The following DOCK4 variants were observed in gnomAD, a reference collection of about 807,000 sequenced individuals.
DOCK4 encodes dedicator of cytokinesis 4.
DOCK4 carries 97 observed loss-of-function variants against 268.1 expected under a neutral mutation model. The ratio of observed to expected loss-of-function variants is 0.36; its 90% CI spans 0.31 to 0.43. The LOEUF is 0.43. Among genes scored for constraint, DOCK4 ranks in the 20% least tolerant of loss-of-function variants. The pLI is 1.00. For missense variants in DOCK4, 2,145 were observed against 2,455.7 expected (o/e 0.87, Z 2.67); for synonymous variants, 954 against 887.2 (o/e 1.08, Z -1.34).
chr7:111,988,862 A>G (rs560183564), intron 6 of DOCK4, among the ~76,000 whole-genome samples, 153 bp downstream of exon 6: 1 of 152,302 alleles, frequency 6.6e-6, no homozygotes, highest in African/African-American at 2.4e-5. Context: ...TCTCGGCTCT[A>G]TCAATGCCAG....
chr7:111,899,292 A>T (rs1790930573), intron 15 of DOCK4, among the ~76,000 whole-genome samples: 2 of 152,196 alleles, frequency 1.3e-5, no homozygotes, highest in South Asian at 4.1e-4. Flanking sequence ...ATCTTTTGGC[A>T]AAGCCCCTAT....
Position 111,845,212 on chromosome 7 carries a change from G to C in DOCK4, c.2602-315C>G, listed in dbSNP as rs1452407956. 2.0e-5 allele frequency among the ~76,000 whole-genome samples: 3 copies of C among 152,206 alleles called. No homozygotes were observed. The South Asian group carries it at 6.2e-4, about 31-fold the overall frequency. ...CTCAGGCAAGTCAGTCTGCCTCTCTGAGCCTGAATCTTCACTGAGAGTCCA... is the reference window on the plus strand; with the variant it reads ...CTCAGGCAAGTCAGTCTGCCTCTCTCAGCCTGAATCTTCACTGAGAGTCCA... On this transcript the variant is annotated intron_variant, in intron 24 of 52. Coordinates refer to ENST00000428084, the MANE Select transcript of DOCK4 (RefSeq NM_001363540.2).
chr7:111,750,399 A>G (rs889093289), intron 42 of DOCK4, among the ~76,000 whole-genome samples: 1 of 152,242 alleles, frequency 6.6e-6, no homozygotes, highest in Non-Finnish European at 1.5e-5. Flanking sequence ...TTAAGTAAAT[A>G]AATAAACCAG....
chr7:112,172,239 T>C (rs118178744), intron 1 of DOCK4, among the ~76,000 whole-genome samples: 15,331 of 152,218 alleles, frequency 0.1, 953 homozygotes, highest in South Asian at 0.14. Context: ...TTTGGGGAAA[T>C]ATCCTCTACC....
intron 33 of DOCK4, 57 bp from the exon 34 acceptor site, chr7:111,784,009 C>A (rs1025792555): frequency 1.9e-6 from 3 of 1,569,580 alleles, no homozygotes; most frequent in Non-Finnish European, 2.6e-6. Context: ...GTCACCATGA[C>A]AACCACTTTA....
At chr7:112,066,602 A>G (rs1181492476) in intron 1 of DOCK4, among the ~76,000 whole-genome samples, 1 of 123,634 alleles carries the variant, frequency 8.1e-6, no homozygotes, top group African/African-American at 4.3e-5. Context: ...ATATACATAT[A>G]TACACGTGTA....
chr7:111,852,537 C>T (rs1225780694), intron 23 of DOCK4, among the ~76,000 whole-genome samples: 2 of 149,222 alleles, frequency 1.3e-5, no homozygotes. Context: ...AATTTAAGTG[C>T]CAGTAGTCAT....
intron 1 of DOCK4, among the ~76,000 whole-genome samples, chr7:112,143,138 CA>C (rs1194012948): frequency 2.0e-5 from 3 of 151,264 alleles, no homozygotes; most frequent in Non-Finnish European, 2.9e-5. Context: ...AAAATTAGTT[CA>C]AAACCAAAAG....
At chr7:111,867,042 T>C (rs1586214907) in intron 22 of DOCK4, among the ~76,000 whole-genome samples, 1 of 152,308 alleles carries the variant, frequency 6.6e-6, no homozygotes. Context: ...TAAAAGAGCC[T>C]GAGTTATATC....
At chr7:111,745,352 T>C (rs1796189187) in intron 44 of DOCK4, among the ~76,000 whole-genome samples, 1 of 152,160 alleles carries the variant, frequency 6.6e-6, no homozygotes, top group African/African-American at 2.4e-5. Flanking sequence ...ATATTTGGAG[T>C]TGGCCTGAAC....
chr7:112,148,669 G>GT (rs1362391806), intron 1 of DOCK4, among the ~76,000 whole-genome samples: 4 of 147,342 alleles, frequency 2.7e-5, no homozygotes, highest in African/African-American at 9.8e-5. Flanking sequence ...AAAATAAAGG[G>GT]TTTTGTTTTG....
chr7:112,092,296 A>T (rs1241983746), intron 1 of DOCK4, among the ~76,000 whole-genome samples: 1 of 152,194 alleles, frequency 6.6e-6, no homozygotes, highest in Non-Finnish European at 1.5e-5. Context: ...ATAAACACTT[A>T]TCAAGTTCCT....
At chr7:111,888,478 T>TA (rs1208874200) in intron 16 of DOCK4, among the ~76,000 whole-genome samples, 12 of 152,064 alleles carry the variant, frequency 7.9e-5, no homozygotes, top group Non-Finnish European at 2.9e-5. Flanking sequence ...TGATTTTTGA[T>TA]ATGAAGTGCT....
chr7:111,846,709 T>A (rs1187523916), intron 24 of DOCK4, among the ~76,000 whole-genome samples: 1 of 152,236 alleles, frequency 6.6e-6, no homozygotes, highest in Non-Finnish European at 1.5e-5. Context: ...GCAGTCATCA[T>A]ATCAAGATTA....
rs149899107 is a variant in DOCK4, at chr7:111,962,255, T to A, written c.701+14877A>T. 2.3e-3 allele frequency among the ~76,000 whole-genome samples: 349 copies of A among 152,270 alleles called. 5 individuals are homozygous for A. Among genetic ancestry groups the A allele is most frequent in the African/African-American group, 7.9e-3 (327 of 41,560 alleles). On this transcript the variant is annotated intron_variant, in intron 8 of 52. Transcript: ENST00000428084. Reference sequence around the variant, plus strand: ...TATTTCTTTAAGGCTTCAAGAGCAATCAACACATATTATTTCTGGTTAGGT... The same window carrying A: ...TATTTCTTTAAGGCTTCAAGAGCAAACAACACATATTATTTCTGGTTAGGT...
At chr7:112,153,854 G>A (rs1030707798) in intron 1 of DOCK4, among the ~76,000 whole-genome samples, 3 of 152,122 alleles carry the variant, frequency 2.0e-5, no homozygotes, top group African/African-American at 4.8e-5. Flanking sequence ...CAGGTACTTC[G>A]GAGGATAGAA....
chr7:111,790,546 T>A lies in DOCK4; in HGVS notation c.3226A>T (p.Ile1076Leu). 6.2e-7 allele frequency: 1 copy of A among 1,613,920 alleles called. No individual in the cohort carries two copies. ...ACATTCCGAAGATCTGGCTGGGGTA[T>A]CAAGGTCACTTCTAGGAAGGGGCCA... ...LIGPFLEVTL[I>L]PQPDLRNVMI... Residue 1076 changes from isoleucine (I) to leucine (L), a missense_variant, in exon 31 of 53, where the codon ATA (isoleucine) becomes TTA (leucine). Transcript: ENST00000428084.
rs375791144 is a variant in DOCK4, at chr7:111,983,860, G to GCACACACACACACACACACACA, written c.549+445_549+446insTGTGTGTGTGTGTGTGTGTGTG. On this transcript the variant is annotated intron_variant, in intron 7 of 52. Transcript: ENST00000428084. ...TACACACACACGCGCGCGCGCGCGC[G>GCACACACACACACACACACACA]CGCACACACACACACACACACACAC... Among the ~76,000 whole-genome samples, 1,063 of 128,800 alleles carry GCACACACACACACACACACACA rather than the reference G, an allele frequency of 8.3e-3. 9 individuals are homozygous for GCACACACACACACACACACACA. The highest frequency in any genetic ancestry group is 0.023 in the Middle Eastern group (6 of 266). The allele number at this position is 128,800 out of a possible 152,430, so 84.5% of individuals were successfully genotyped here.
chr7:112,165,559 T>TGTGTGCGCGTGTGTGTGC (rs59052406), intron 1 of DOCK4, among the ~76,000 whole-genome samples: 12 of 148,150 alleles, frequency 8.1e-5, no homozygotes, highest in Non-Finnish European at 1.8e-4. Flanking sequence ...TGTGTGTGTG[T>TGTGTGCGCGTGTGTGTGC]GCGTGTGTGT....
Sources: allele counts gnomAD v4.1 joint callset (sites outside exome capture counted in the v4.1 genomes callset), GRCh38; gene constraint gnomAD v4.1.1; transcripts MANE v1.5; gene names NCBI Gene and HGNC (gene_info 2026-07-23, HGNC 2026-07-21).